MOB1B: variants seen among roughly 807,000 people sequenced by gnomAD.
The protein encoded by MOB1B is MOB kinase activator 1B.
In MOB1B, 19 loss-of-function variants were observed where a neutral mutation model predicts 24.4. The ratio of observed to expected loss-of-function variants is 0.78; its 90% confidence interval spans 0.54 to 1.14. The LOEUF (loss-of-function observed/expected upper bound fraction) is 1.14. Among genes scored for constraint, MOB1B ranks in the 50% most tolerant of loss-of-function variants. MOB1B has a pLI of 0.00. For synonymous variants in MOB1B, 76 were observed against 82.1 expected, an observed-to-expected ratio of 0.93 and a Z score of 0.40; for missense variants, 243 against 259.6, an observed-to-expected ratio of 0.94 and a Z score of 0.44.
At chr4:70,923,105 C>T (rs947659435) in intron 1 of MOB1B, among the ~76,000 whole-genome samples, 3 of 152,142 alleles carry the variant, frequency 2.0e-5, no homozygotes, top group African/African-American at 4.8e-5. Flanking sequence ...TGCTTAGAAC[C>T]GCAGCACAAA....
rs532818928 is a variant in MOB1B, at chr4:70,912,436, C to A, written c.14+9886C>A. Among the ~76,000 whole-genome samples the A allele has an allele frequency of 2.5e-3, 374 of 152,080 alleles. 2 individuals carry two copies. The highest frequency in any genetic ancestry group is 8.5e-3 in the African/African-American group (353 of 41,480). ...CTGGGATTACAGGTGCCCGCCACCA[C>A]ACCCAGCTAATTTTTATATTCTTAG... On this transcript the variant is annotated intron_variant, in intron 1 of 5. Coordinates refer to ENST00000309395, the MANE Select transcript of MOB1B (RefSeq NM_173468.4).
At chr4:70,903,217 T>A (rs149476679) in intron 1 of MOB1B, among the ~76,000 whole-genome samples, 206 of 152,154 alleles carry the variant, frequency 1.4e-3, no homozygotes, top group Middle Eastern at 3.4e-3. Flanking sequence ...AGAGGATGAG[T>A]TTTATCTTTT....
intron 1 of MOB1B, among the ~76,000 whole-genome samples, chr4:70,907,151 A>T (rs1735780990): frequency 6.6e-6 from 1 of 152,176 alleles, no homozygotes; most frequent in Admixed American, 6.5e-5. Context: ...TGGAGCTAGC[A>T]GGGGTCTATT....
intron 1 of MOB1B, among the ~76,000 whole-genome samples, chr4:70,916,106 T>G (rs1485502626): frequency 6.6e-6 from 1 of 152,220 alleles, no homozygotes; most frequent in East Asian, 1.9e-4. Context: ...TGGTTTGGTC[T>G]CTTGGGGCCT....
chr4:70,903,006 C>T (rs541600331), intron 1 of MOB1B, among the ~76,000 whole-genome samples: 18 of 152,236 alleles, frequency 1.2e-4, no homozygotes, highest in African/African-American at 2.2e-4. Flanking sequence ...GTACTTTCCC[C>T]TGTCATCCCA....
intron 1 of MOB1B, among the ~76,000 whole-genome samples, chr4:70,928,588 G>A (rs765368682): frequency 6.6e-5 from 10 of 151,936 alleles, no homozygotes; most frequent in Admixed American, 3.9e-4. Flanking sequence ...GCCACCACAC[G>A]TGGCCTGACA....
intron 1 of MOB1B, among the ~76,000 whole-genome samples, chr4:70,918,674 G>C (rs1736296228): frequency 6.6e-6 from 1 of 152,186 alleles, no homozygotes; most frequent in African/African-American, 2.4e-5. Context: ...TTCTTTTGCT[G>C]TGCAGAAGCT....
At chr4:70,928,740 G>A (rs1368312558) in intron 1 of MOB1B, among the ~76,000 whole-genome samples, 1 of 152,036 alleles carries the variant, frequency 6.6e-6, no homozygotes, top group East Asian at 1.9e-4. Context: ...CTATTTATTG[G>A]ATTTTTATAA....
chr4:70,941,758 C>T lies in MOB1B; in HGVS notation c.15-17116C>T, dbSNP rs868135613. ...TTTCTTTTCAGAGAAAATTAACATT[C>T]GAACATTCAAATGCTAATTTAATCT... On this transcript the variant is annotated intron_variant, in intron 1 of 5. Coordinates refer to ENST00000309395, the MANE Select transcript of MOB1B (RefSeq NM_173468.4). 1.4e-4 allele frequency among the ~76,000 whole-genome samples: 22 copies of T among 152,132 alleles called. No individual in the cohort carries two copies. The Middle Eastern group carries it at 0.017, about 118-fold the overall frequency.
intron 1 of MOB1B, among the ~76,000 whole-genome samples, chr4:70,953,426 T>G (rs1185205746): frequency 6.6e-6 from 1 of 151,996 alleles, no homozygotes; most frequent in Non-Finnish European, 1.5e-5. Context: ...AGCAGACGGG[T>G]TAGATAGAAG....
upstream of MOB1B, chr4:70,902,265 A>G: frequency 5.3e-6 from 3 of 565,100 alleles, no homozygotes; most frequent in Non-Finnish European, 9.5e-6. Context: ...GGCGGCGGGG[A>G]GCTGGGGAGG....
At chr4:70,956,366 G>A (rs1016332536) in intron 1 of MOB1B, among the ~76,000 whole-genome samples, 17 of 152,064 alleles carry the variant, frequency 1.1e-4, no homozygotes, top group African/African-American at 4.1e-4. Context: ...AGGTTCAGGC[G>A]ATCCTCCCAC....
At chr4:70,909,479 G>A (rs1735891413) in intron 1 of MOB1B, among the ~76,000 whole-genome samples, 1 of 151,828 alleles carries the variant, frequency 6.6e-6, no homozygotes. Flanking sequence ...CTCTAGCCTG[G>A]GCAACTGAGC....
chr4:70,925,126 C>G (rs1736597267), intron 1 of MOB1B, among the ~76,000 whole-genome samples: 1 of 152,148 alleles, frequency 6.6e-6, no homozygotes. Flanking sequence ...TCACTGCAAC[C>G]TCCACCTCCT....
intron 3 of MOB1B, among the ~76,000 whole-genome samples, 189 bp downstream of exon 3, chr4:70,970,213 G>A (rs1330491990): frequency 6.6e-6 from 1 of 152,060 alleles, no homozygotes; most frequent in African/African-American, 2.4e-5. Flanking sequence ...GTTTGCTTAT[G>A]TGTCTTCTCT....
rs1739392894 is a variant in MOB1B at position 70,986,716 on chromosome 4, A to G, written c.*4659A>G. The G allele has an allele frequency of 3.3e-5, 5 of 152,298 alleles. No individual in the cohort carries two copies. Among genetic ancestry groups the G allele is most frequent in the East Asian group, 1.9e-4 (1 of 5,192 alleles). 9.4% of individuals were successfully genotyped at this position (152,298 alleles called of 1,614,324 possible). A position where few individuals can be genotyped will look rare whatever the true frequency, so the allele number is the denominator to read the frequency against. ...CCGTGGAAATCACTGTTGTTCAGCT[A>G]TCACCTTAATTGTGTATGATATGAT... On this transcript the variant is annotated 3_prime_UTR_variant, in exon 6 of 6. Transcript: ENST00000309395.
rs183531320 is a variant in MOB1B at position 70,919,563 on chromosome 4, A to G, written c.14+17013A>G. ...GCCCAGGCTGGAGTGCAGTGGCGCT[A>G]TCTCGGCTCACTGCAACCTCTGCCT... On this transcript the variant is annotated intron_variant, in intron 1 of 5. Coordinates refer to ENST00000309395, the MANE Select transcript of MOB1B (RefSeq NM_173468.4). 4.8e-3 allele frequency among the ~76,000 whole-genome samples: 726 copies of G among 152,248 alleles called. 9 individuals are homozygous for G. Among genetic ancestry groups the G allele is most frequent in the African/African-American group, 0.017 (688 of 41,542 alleles).
intron 1 of MOB1B, among the ~76,000 whole-genome samples, chr4:70,924,629 C>G (rs112557539): frequency 6.6e-6 from 1 of 152,192 alleles, no homozygotes; most frequent in East Asian, 1.9e-4. Flanking sequence ...CTATCCCTCC[C>G]GAAGTCCCCC....
intron 1 of MOB1B, among the ~76,000 whole-genome samples, chr4:70,945,497 T>G (rs2148887142): frequency 6.6e-6 from 1 of 152,364 alleles, no homozygotes; most frequent in Non-Finnish European, 1.5e-5. Flanking sequence ...GCATGCATAC[T>G]CTGTACTATG....
Sources: gnomAD v4.1 joint callset for allele counts (sites outside exome capture counted in the v4.1 genomes callset) on GRCh38, gnomAD v4.1.1 for gene constraint, MANE v1.5 for transcripts, NCBI Gene and HGNC (gene_info 2026-07-23, HGNC 2026-07-21) for gene names.